The following OR2T11 variants were observed in gnomAD, a reference collection of about 807,000 sequenced individuals.
The protein encoded by OR2T11 is olfactory receptor 2T11.
In OR2T11, 14 loss-of-function variants were observed where a neutral mutation model predicts 13.5. That is an observed-to-expected ratio of 1.04 (90% CI 0.69 to 1.62). OR2T11 has a LOEUF of 1.62. Ranked by LOEUF, OR2T11 falls within the 40% of genes most tolerant of loss-of-function variation. OR2T11 has a pLI of 0.00. For synonymous variants in OR2T11, 163 were observed against 154.6 expected (o/e 1.05, Z -0.40); for missense variants, 410 against 389.7 (o/e 1.05, Z -0.44).
intron 1 of OR2T11, among the ~76,000 whole-genome samples, chr1:248,630,836 C>CTT (rs1660600709): frequency 7.0e-6 from 1 of 143,322 alleles, no homozygotes; most frequent in Non-Finnish European, 1.5e-5. Flanking sequence ...GCAAAAAAGA[C>CTT]TTTGTGGGTA....
At chr1:248,632,571 A>G (rs1324534413) in intron 1 of OR2T11, among the ~76,000 whole-genome samples, 3 of 136,552 alleles carry the variant, frequency 2.2e-5, no homozygotes, top group Non-Finnish European at 4.6e-5. Context: ...AGATCAGATT[A>G]TCTAGACTTC....
Position 248,629,855 on chromosome 1 carries a change from T to TC in OR2T11, c.-144-2584dup, listed in dbSNP as rs1415495726. ...TCCTCCAACCGTGCAAGGCCATCCA[T>TC]CCCCTCATGTACTTCAGGGCTTTGC... is the stretch of plus-strand genomic sequence containing the variant. On this transcript the variant is annotated intron_variant, in intron 1 of 1. Coordinates refer to ENST00000641193, the MANE Select transcript of OR2T11 (RefSeq NM_001001964.2). 2.8e-5 allele frequency among the ~76,000 whole-genome samples: 4 copies of TC among 141,328 alleles called. 1 individual carries two copies. Among genetic ancestry groups the TC allele is most frequent in the African/African-American group, 1.1e-4 (4 of 35,442 alleles). The allele number at this position is 141,328 out of a possible 152,430, so 92.7% of individuals were successfully genotyped here.
intron 1 of OR2T11, among the ~76,000 whole-genome samples, chr1:248,633,138 T>TA (rs1280142876): frequency 2.8e-5 from 3 of 108,884 alleles, no homozygotes; most frequent in African/African-American, 3.9e-5. Flanking sequence ...GGCAATTTAT[T>TA]AAAAAAGTCC....
chr1:248,627,303 A>G (rs1660540440), intron 1 of OR2T11, 31 bp from the exon 2 acceptor site: 2 of 554,142 alleles, frequency 3.6e-6, no homozygotes, highest in Non-Finnish European at 6.3e-6. Context: ...CAACATGCAC[A>G]TCATGAAGCA....
intron 1 of OR2T11, among the ~76,000 whole-genome samples, chr1:248,631,612 A>G (rs1431895674): frequency 7.0e-6 from 1 of 143,792 alleles, no homozygotes; most frequent in Non-Finnish European, 1.5e-5. Context: ...TGAATTTCTG[A>G]TCACAAGTTG....
rs1660577224 is a variant in OR2T11 at position 248,629,705 on chromosome 1, C to G, written c.-144-2433G>C. ...AACATTTTGTCTTCTGAAATGATCTCCCGCCGACTCCAGTCTGTCTGTCCC... is the reference window on the plus strand; with the variant it reads ...AACATTTTGTCTTCTGAAATGATCTGCCGCCGACTCCAGTCTGTCTGTCCC... On this transcript the variant is annotated intron_variant, in intron 1 of 1. Transcript: ENST00000641193. Among the ~76,000 whole-genome samples, 4 of 140,362 alleles carry G rather than the reference C, an allele frequency of 2.8e-5. 1 individual carries two copies. The highest frequency in any genetic ancestry group is 2.1e-4 in the Admixed American group (3 of 14,428). 92.1% of individuals were successfully genotyped at this position (140,362 alleles called of 152,430 possible).
Position 248,624,029 on chromosome 1 carries a change from T to A in OR2T11, c.*2149A>T, listed in dbSNP as rs1171357136. On this transcript the variant is annotated 3_prime_UTR_variant, in exon 2 of 2. Coordinates refer to ENST00000641193, the MANE Select transcript of OR2T11 (RefSeq NM_001001964.2). ...AAGATACAAACCATCGGAAGGGATC[T>A]TAGTTATAACACACGCTCTGCCTGA... 1.4e-5 allele frequency: 2 copies of A among 141,070 alleles called. 1 individual carries two copies. The highest frequency in any genetic ancestry group is 3.0e-5 in the Non-Finnish European group (2 of 65,620). 8.7% of individuals were successfully genotyped at this position (141,070 alleles called of 1,614,324 possible).
Position 248,626,355 on chromosome 1 carries a change from C to A in OR2T11, c.774G>T (p.Leu258=). ...FYGAAFYTYV[L]PQSFHTPEQD... ...GCTCGGGGGTGTGGAAGGACTGGGG[C>A]AGCACGTATGTGTAGAAGGCAGCCC... The change falls in exon 2 of 2, where the codon CTG becomes CTT. Residue 258 remains leucine, a synonymous_variant. Transcript: ENST00000641193. 6.4e-7 allele frequency: 1 copy of A among 1,573,500 alleles called. No individual in the cohort carries two copies. The highest frequency in any genetic ancestry group is 8.6e-7 in the Non-Finnish European group (1 of 1,156,874).
chr1:248,625,977 C>A lies in OR2T11; in HGVS notation c.*201G>T. On this transcript the variant is annotated 3_prime_UTR_variant, in exon 2 of 2. Transcript: ENST00000641193. ...TAAATTATTTAACTTCATAATAAAC[C>A]ATTTTTGATACTTCACTGAAAGATC... 4.8e-6 allele frequency: 2 copies of A among 412,954 alleles called. No individual in the cohort carries two copies. Among genetic ancestry groups the A allele is most frequent in the South Asian group, 4.9e-5 (1 of 20,524 alleles). The allele number at this position is 412,954 out of a possible 1,614,324, so 25.6% of individuals were successfully genotyped here.
chr1:248,626,344 A>C lies in OR2T11; in HGVS notation c.785T>G (p.Phe262Cys), dbSNP rs749203508. 1.3e-5 allele frequency: 21 copies of C among 1,573,340 alleles called. No homozygotes were observed. In the East Asian group the frequency reaches 4.6e-4, roughly 34 times the overall value. ...AFYTYVLPQS[F>C]HTPEQDKVVS... ...TACTTTGTCCTGCTCGGGGGTGTGG[A>C]AGGACTGGGGCAGCACGTATGTGTA... The change falls in exon 2 of 2, where the codon TTC (phenylalanine) becomes TGC (cysteine). Residue 262 changes from phenylalanine to cysteine, a missense_variant. Transcript: ENST00000641193.
intron 1 of OR2T11, among the ~76,000 whole-genome samples, chr1:248,628,435 C>T (rs948998579): frequency 4.3e-5 from 6 of 140,150 alleles, no homozygotes; most frequent in Non-Finnish European, 9.2e-5. Context: ...AGGGTTTCCC[C>T]CCATTCACAT....
At position 248,626,500 on chromosome 1, in the gene OR2T11, A is replaced by T. The variant is rs1477612025; in HGVS notation, c.629T>A (p.Ile210Asn). The T allele has an allele frequency of 1.3e-6, 2 of 1,572,200 alleles. No homozygotes were observed. The highest frequency in any genetic ancestry group is 1.1e-5 in the South Asian group (1 of 88,890). ...CVLMLLIPISIISTSYSLILL... is the reference protein window; with the variant it reads ...CVLMLLIPISNISTSYSLILL... ...GATGAGGGAGTAGGAAGTGGAGATG[A>T]TAGAGATGGGGATGAGCAACATGAG... Residue 210 changes from isoleucine to asparagine, a missense_variant, in exon 2 of 2, where the codon ATC (isoleucine) becomes AAC (asparagine). Coordinates refer to ENST00000641193, the MANE Select transcript of OR2T11 (RefSeq NM_001001964.2).
At chr1:248,628,095 G>A (rs765132457) in intron 1 of OR2T11, among the ~76,000 whole-genome samples, 5 of 143,306 alleles carry the variant, frequency 3.5e-5, no homozygotes, top group Non-Finnish European at 7.5e-5. Context: ...GTCAGCAGCA[G>A]ACACACAGGA....
At chr1:248,627,855 A>C (rs1202935549) in intron 1 of OR2T11, among the ~76,000 whole-genome samples, 1 of 143,170 alleles carries the variant, frequency 7.0e-6, no homozygotes, top group African/African-American at 2.8e-5. Flanking sequence ...GTTTATGTCT[A>C]AAGTTGGGAC....
chr1:248,634,703 A>G (rs1449694917), intron 1 of OR2T11, among the ~76,000 whole-genome samples: 1 of 107,612 alleles, frequency 9.3e-6, no homozygotes, highest in Non-Finnish European at 1.9e-5. Flanking sequence ...TTTTGTTTTC[A>G]CAGAATTGTC....
Position 248,633,777 on chromosome 1 carries a change from T to C in OR2T11, c.-145+1261A>G, listed in dbSNP as rs532121636. On this transcript the variant is annotated intron_variant, in intron 1 of 1. Coordinates refer to ENST00000641193, the MANE Select transcript of OR2T11 (RefSeq NM_001001964.2). ...CAACATCAACTGACATATGTAATCC[T>C]AAACTTTGCATTTAAATTTTCAGTC... Among the ~76,000 whole-genome samples, 59 of 143,742 alleles carry C rather than the reference T, an allele frequency of 4.1e-4. 8 individuals carry two copies. The highest frequency in any genetic ancestry group is 7.8e-4 in the Non-Finnish European group (52 of 66,314). The allele number at this position is 143,742 out of a possible 152,430, so 94.3% of individuals were successfully genotyped here.
rs1156538223 is a variant in OR2T11 at position 248,624,032 on chromosome 1, G to A, written c.*2146C>T. On this transcript the variant is annotated 3_prime_UTR_variant, in exon 2 of 2. Coordinates refer to ENST00000641193, the MANE Select transcript of OR2T11 (RefSeq NM_001001964.2). ...ATACAAACCATCGGAAGGGATCTTAGTTATAACACACGCTCTGCCTGACCT... is the reference window on the plus strand; with the variant it reads ...ATACAAACCATCGGAAGGGATCTTAATTATAACACACGCTCTGCCTGACCT... 2.1e-5 allele frequency: 3 copies of A among 140,736 alleles called. No individual in the cohort carries two copies. Among genetic ancestry groups the A allele is most frequent in the Non-Finnish European group, 4.6e-5 (3 of 65,570 alleles). The allele number at this position is 140,736 out of a possible 1,614,324, so 8.7% of individuals were successfully genotyped here.
rs541947086 is a variant in OR2T11 at position 248,626,726 on chromosome 1, G to T, written c.403C>A (p.Arg135Ser). ...GCAGCCAGCAAAAGACACTTCTTGC[G>T]GTTCATCAGGACTGGGTATCTCAGA... is the stretch of plus-strand genomic sequence containing the variant. Reference protein sequence around the residue: ...NPLRYPVLMNRKKCLLLAAGA... With the variant: ...NPLRYPVLMNSKKCLLLAAGA... The change falls in exon 2 of 2, where the codon CGC becomes AGC. Residue 135 changes from arginine (R) to serine (S), a missense_variant. Arg to Ser is a moderately radical substitution (Grantham distance 110). Transcript: ENST00000641193. The T allele has an allele frequency of 6.4e-6, 10 of 1,573,290 alleles. 3 individuals are homozygous for T. The African/African-American group carries it at 1.5e-4, about 24-fold the overall frequency.
At position 248,629,385 on chromosome 1, in the gene OR2T11, C is replaced by T. The variant is rs1281462634; in HGVS notation, c.-144-2113G>A. Among the ~76,000 whole-genome samples, 2 of 127,432 alleles carry T rather than the reference C, an allele frequency of 1.6e-5. 1 individual carries two copies. The highest frequency in any genetic ancestry group is 3.3e-5 in the Non-Finnish European group (2 of 60,426). The allele number at this position is 127,432 out of a possible 152,430, so 83.6% of individuals were successfully genotyped here. A position where few individuals can be genotyped will look rare whatever the true frequency, so the allele number is the denominator to read the frequency against. Reference sequence around the variant, plus strand: ...TCCAGCCTGGGTGACAGAGCAAGACCCTGTTTCTAAAAAAGAAATGAATAA... The same window carrying T: ...TCCAGCCTGGGTGACAGAGCAAGACTCTGTTTCTAAAAAAGAAATGAATAA... On this transcript the variant is annotated intron_variant, in intron 1 of 1. Transcript: ENST00000641193.
Sources: gnomAD v4.1 joint callset for allele counts (sites outside exome capture counted in the v4.1 genomes callset) on GRCh38, gnomAD v4.1.1 for gene constraint, MANE v1.5 for transcripts, NCBI Gene and HGNC (gene_info 2026-07-23, HGNC 2026-07-21) for gene names.